The following EFCAB6 variants were observed in gnomAD, a reference collection of about 807,000 sequenced individuals.
EFCAB6 encodes EF-hand calcium-binding domain-containing protein 6.
In EFCAB6, 156 loss-of-function variants were observed where a neutral mutation model predicts 169.8. The ratio of observed to expected loss-of-function variants is 0.92; its 90% confidence interval spans 0.81 to 1.05. The LOEUF (loss-of-function observed/expected upper bound fraction) is 1.05. Among genes scored for constraint, EFCAB6 ranks in the 50% least tolerant of loss-of-function variants. The pLI, the probability that EFCAB6 is intolerant of heterozygous loss-of-function variation, is 0.00. For synonymous variants in EFCAB6, 698 were observed against 676.4 expected (o/e 1.03, Z -0.50); for missense variants, 1,800 against 1,829.1 (o/e 0.98, Z 0.29).
chr22:43,684,202 C>T (rs777663593), intron 11 of EFCAB6, among the ~76,000 whole-genome samples: 2 of 152,200 alleles, frequency 1.3e-5, no homozygotes, highest in Admixed American at 6.5e-5. Flanking sequence ...GGAGCCCCCC[C>T]TCCTGTGTGT....
intron 16 of EFCAB6, among the ~76,000 whole-genome samples, chr22:43,667,794 T>C (rs2057329007): frequency 1.3e-5 from 2 of 152,112 alleles, no homozygotes; most frequent in South Asian, 4.1e-4. Flanking sequence ...AAAATACAAA[T>C]TGAATGTGCT....
chr22:43,655,979 T>G (rs955057457), intron 17 of EFCAB6, among the ~76,000 whole-genome samples: 19 of 152,198 alleles, frequency 1.2e-4, no homozygotes, highest in African/African-American at 4.6e-4. Flanking sequence ...GTAATTAGCT[T>G]CAAAGTGAAT....
At chr22:43,554,628 T>C (rs770923220) in intron 27 of EFCAB6, 11 of 497,274 alleles carry the variant, frequency 2.2e-5, no homozygotes, top group Non-Finnish European at 3.6e-5. Context: ...CGAAGCGGAG[T>C]TGAATTTGAT....
At chr22:43,663,038 T>A (rs2057080008) in intron 17 of EFCAB6, among the ~76,000 whole-genome samples, 1 of 152,236 alleles carries the variant, frequency 6.6e-6, no homozygotes, top group South Asian at 2.1e-4. Flanking sequence ...ACTCTATACC[T>A]ACAGGCTTCC....
intron 2 of EFCAB6, among the ~76,000 whole-genome samples, chr22:43,787,105 T>C (rs1013590263): frequency 5.9e-5 from 9 of 152,146 alleles, no homozygotes; most frequent in Admixed American, 2.6e-4. Flanking sequence ...ACAGGTAATG[T>C]CATATTTAAT....
chr22:43,742,964 G>C (rs2060427443), intron 6 of EFCAB6, among the ~76,000 whole-genome samples: 1 of 152,202 alleles, frequency 6.6e-6, no homozygotes, highest in Non-Finnish European at 1.5e-5. Context: ...CAAGGCTGGG[G>C]AAGGCAAGAC....
At chr22:43,612,426 G>A (rs1348032559) in intron 21 of EFCAB6, among the ~76,000 whole-genome samples, 2 of 151,986 alleles carry the variant, frequency 1.3e-5, no homozygotes, top group Non-Finnish European at 2.9e-5. Context: ...GCATCTATAC[G>A]GAACTTAAAC....
intron 23 of EFCAB6, among the ~76,000 whole-genome samples, chr22:43,594,953 T>C (rs4823207): frequency 0.27 from 40,846 of 151,916 alleles, 6,194 homozygotes; most frequent in East Asian, 0.62. Flanking sequence ...GGAATAAAAC[T>C]AGAAATCAAT....
intron 2 of EFCAB6, among the ~76,000 whole-genome samples, chr22:43,784,611 G>A (rs139720854): frequency 0.037 from 1,975 of 53,608 alleles, 186 homozygotes; most frequent in African/African-American, 0.18. Flanking sequence ...ACATATATAT[G>A]TGTATATATA....
chr22:43,780,235 CT>C (rs2061771944), intron 3 of EFCAB6, among the ~76,000 whole-genome samples: 1 of 152,064 alleles, frequency 6.6e-6, no homozygotes, highest in Non-Finnish European at 1.5e-5. Context: ...GCCTATAATC[CT>C]GGCATTTTGG....
At chr22:43,739,947 G>A (rs1281325068) in intron 6 of EFCAB6, among the ~76,000 whole-genome samples, 2 of 151,818 alleles carry the variant, frequency 1.3e-5, no homozygotes, top group Non-Finnish European at 2.9e-5. Context: ...CACTCGCTGT[G>A]ACCCACCAGG....
At chr22:43,670,638 A>T (rs2057449232) in intron 15 of EFCAB6, among the ~76,000 whole-genome samples, 1 of 152,238 alleles carries the variant, frequency 6.6e-6, no homozygotes. Context: ...CTAGTATTAT[A>T]ATCGCTCCCA....
chr22:43,591,112 TTTTTTTTTTTTG>T lies in EFCAB6; in HGVS notation c.2877-895_2877-884del, dbSNP rs1297892254. Among the ~76,000 whole-genome samples, 409 of 26,174 alleles carry T rather than the reference TTTTTTTTTTTTG, an allele frequency of 0.016. 13 individuals are homozygous for T. The East Asian group carries it at 0.22, about 14-fold the overall frequency. The allele number at this position is 26,174 out of a possible 152,430, so 17.2% of individuals were successfully genotyped here. On this transcript the variant is annotated intron_variant, in intron 23 of 31. Coordinates refer to ENST00000262726, the MANE Select transcript of EFCAB6 (RefSeq NM_022785.4). ...TGTTGTTGTTGTTTTTTGTTTTTTG[TTTTTTTTTTTTG>T]TTTTTTTTTTGTTTTTTTTACCAGG...
At chr22:43,720,616 G>A (rs2059488174) in intron 8 of EFCAB6, among the ~76,000 whole-genome samples, 1 of 151,856 alleles carries the variant, frequency 6.6e-6, no homozygotes, top group Non-Finnish European at 1.5e-5. Flanking sequence ...ATCATGGAAG[G>A]AAACAAAGAA....
intron 2 of EFCAB6, among the ~76,000 whole-genome samples, chr22:43,801,810 C>G (rs531190318): frequency 1.3e-5 from 2 of 152,072 alleles, no homozygotes; most frequent in South Asian, 4.2e-4. Flanking sequence ...AAGGAAGGGA[C>G]GACTTAAAAC....
intron 8 of EFCAB6, among the ~76,000 whole-genome samples, chr22:43,724,903 C>T (rs2059668980): frequency 6.6e-6 from 1 of 152,180 alleles, no homozygotes; most frequent in Non-Finnish European, 1.5e-5. Flanking sequence ...TGGCAACAAC[C>T]CCACTTCTCT....
Position 43,572,280 on chromosome 22 carries a change from T to C in EFCAB6, c.3420+4017A>G, listed in dbSNP as rs1415389490. On this transcript the variant is annotated intron_variant, in intron 26 of 31. Coordinates refer to ENST00000262726, the MANE Select transcript of EFCAB6 (RefSeq NM_022785.4). This position sits in a 1 kb window ranked among gnomAD's most constrained non-coding sequence, Gnocchi z 4.0. ...TTGCGGGAGGCAAGCTGACAGCACA[T>C]AAAGCTTTAGGAATGTTCTCTCCTT... Among the ~76,000 whole-genome samples, 1 of 152,136 alleles carries C rather than the reference T, an allele frequency of 6.6e-6. No individual in the cohort carries two copies. Among genetic ancestry groups the C allele is most frequent in the Non-Finnish European group, 1.5e-5 (1 of 68,026 alleles).
At position 43,534,517 on chromosome 22, in the gene EFCAB6, T is replaced by C. The variant is rs569135010; in HGVS notation, c.4233+171A>G. Among the ~76,000 whole-genome samples the C allele has an allele frequency of 9.2e-5, 14 of 152,282 alleles. No individual in the cohort carries two copies. The East Asian group carries it at 2.3e-3, about 25-fold the overall frequency. ...AGCTTGTGCCTGTGGTCCTAGTTAG[T>C]TGGGATGCTGAAGCAGGAGGACCAC... On this transcript the variant is annotated intron_variant, in intron 30 of 31. Transcript: ENST00000262726.
intron 14 of EFCAB6, 31 bp from the exon 15 acceptor site, chr22:43,672,164 G>C (rs1285580879): frequency 6.2e-7 from 1 of 1,613,224 alleles, no homozygotes; most frequent in Non-Finnish European, 8.5e-7. Flanking sequence ...TATTTCCTAA[G>C]CCATACATCT....
Sources: allele counts gnomAD v4.1 joint callset (sites outside exome capture counted in the v4.1 genomes callset), GRCh38; gene constraint gnomAD v4.1.1; non-coding constraint Gnocchi (gnomAD v3.1); transcripts MANE v1.5; gene names NCBI Gene and HGNC (gene_info 2026-07-23, HGNC 2026-07-21).